Variants in MYO1D observed in about 807,000 individuals in gnomAD.
MYO1D encodes the protein unconventional myosin-Id.
MYO1D carries 83 observed loss-of-function variants against 122.0 expected under a neutral mutation model. The ratio of observed to expected loss-of-function variants is 0.68; its 90% confidence interval spans 0.57 to 0.82. The LOEUF is 0.82. Ranked by LOEUF, MYO1D falls within the 40% of genes least tolerant of loss-of-function variation. The pLI, the probability that MYO1D is intolerant of heterozygous loss-of-function variation, is 0.00. For synonymous variants in MYO1D, 464 were observed against 446.9 expected (o/e 1.04, Z -0.48); for missense variants, 1,157 against 1,269.5 (o/e 0.91, Z 1.35).
At chr17:32,582,664 TTCAACTC>T (rs2087352915) in intron 21 of MYO1D, among the ~76,000 whole-genome samples, 3 of 152,200 alleles carry the variant, frequency 2.0e-5, no homozygotes, top group Non-Finnish European at 4.4e-5. Flanking sequence ...TTCAACTCAG[TTCAACTC>T]AGTTGATAGT....
At chr17:32,823,538 G>A (rs963150048) in intron 1 of MYO1D, among the ~76,000 whole-genome samples, 1 of 152,148 alleles carries the variant, frequency 6.6e-6, no homozygotes, top group Non-Finnish European at 1.5e-5. Context: ...GCCACTGGTT[G>A]TTGGTAAGCC....
chr17:32,732,818 A>G (rs576304472), intron 14 of MYO1D, among the ~76,000 whole-genome samples: 6 of 152,206 alleles, frequency 3.9e-5, no homozygotes, highest in Non-Finnish European at 7.3e-5. Flanking sequence ...GAGAAGGAGA[A>G]GAGCTGTGGC....
At chr17:32,559,743 C>T (rs1411886122) in intron 21 of MYO1D, among the ~76,000 whole-genome samples, 1 of 152,190 alleles carries the variant, frequency 6.6e-6, no homozygotes, top group East Asian at 1.9e-4. Context: ...TATCACATTT[C>T]ATCATTTCCA....
At chr17:32,571,046 G>C (rs1317800042) in intron 21 of MYO1D, among the ~76,000 whole-genome samples, 1 of 152,140 alleles carries the variant, frequency 6.6e-6, no homozygotes, top group African/African-American at 2.4e-5. Flanking sequence ...GGACTCAGAA[G>C]TCACAAGATG....
intron 15 of MYO1D, among the ~76,000 whole-genome samples, chr17:32,718,570 G>C (rs548672134): frequency 6.6e-6 from 1 of 151,958 alleles, no homozygotes; most frequent in East Asian, 1.9e-4. Context: ...GTGTGGTGAC[G>C]CGCCCCTGTA....
In MYO1D at chr17:32,528,843, C is replaced by T. The variant is rs117451119; in HGVS notation, c.2865-33928G>A. On this transcript the variant is annotated intron_variant, in intron 21 of 21. Transcript: ENST00000318217. ...GGAGTGGATTCTCCCTGAGAGCCTC[C>T]AGAGGGAACAGGCCCTGCCCAACGC... Among the ~76,000 whole-genome samples, 533 of 152,290 alleles carry T rather than the reference C, an allele frequency of 3.5e-3. 4 individuals are homozygous for T. The highest frequency in any genetic ancestry group is 0.011 in the Admixed American group (171 of 15,276).
intron 21 of MYO1D, among the ~76,000 whole-genome samples, chr17:32,530,901 C>G (rs1384438694): frequency 3.3e-5 from 5 of 151,806 alleles, no homozygotes; most frequent in Non-Finnish European, 7.4e-5. Context: ...TGTCCTCACT[C>G]CCTTTGGAGA....
At chr17:32,690,425 C>T (rs2089081055) in intron 16 of MYO1D, among the ~76,000 whole-genome samples, 1 of 152,086 alleles carries the variant, frequency 6.6e-6, no homozygotes, top group Non-Finnish European at 1.5e-5. Context: ...TCTGCCTGAC[C>T]CGGCCTCCCA....
At position 32,730,152 on chromosome 17, in the gene MYO1D, T is replaced by C. The variant is rs538932827; in HGVS notation, c.1746+8101A>G. 5.3e-5 allele frequency among the ~76,000 whole-genome samples: 8 copies of C among 151,716 alleles called. No individual in the cohort carries two copies. In the South Asian group the frequency reaches 1.7e-3, roughly 32 times the overall value. On this transcript the variant is annotated intron_variant, in intron 14 of 21. Coordinates refer to ENST00000318217, the MANE Select transcript of MYO1D (RefSeq NM_015194.3). ...TTTTTTCTTTTCCTTCTCTACTAGT[T>C]TGGAATTTATAACCTCTATTTTCTA...
Position 32,724,833 on chromosome 17 carries a change from G to A in MYO1D, c.1747-3644C>T, listed in dbSNP as rs540542004. Among the ~76,000 whole-genome samples, 12 of 152,192 alleles carry A rather than the reference G, an allele frequency of 7.9e-5. No homozygotes were observed. The South Asian group carries it at 2.5e-3, about 32-fold the overall frequency. ...CTGATTTGGAATACTATTGTTCTTA[G>A]GTAACTAAAAGAAGCAAAATTAACT... On this transcript the variant is annotated intron_variant, in intron 14 of 21. Transcript: ENST00000318217.
chr17:32,695,265 G>T (rs2089157371), intron 16 of MYO1D, among the ~76,000 whole-genome samples: 1 of 152,228 alleles, frequency 6.6e-6, no homozygotes, highest in Non-Finnish European at 1.5e-5. Flanking sequence ...GTTCACCATA[G>T]GCTTCATGCT....
chr17:32,506,020 A>G (rs1035932991), intron 21 of MYO1D, among the ~76,000 whole-genome samples: 27 of 152,218 alleles, frequency 1.8e-4, no homozygotes, highest in African/African-American at 6.5e-4. Context: ...GAAGTTTGAG[A>G]CCAGTGTGGG....
At chr17:32,702,813 G>A (rs561266843) in intron 16 of MYO1D, among the ~76,000 whole-genome samples, 1 of 152,246 alleles carries the variant, frequency 6.6e-6, no homozygotes, top group African/African-American at 2.4e-5. Context: ...GCTTGACTGT[G>A]GACCCCACAG....
At chr17:32,605,539 A>G (rs1349737261) in intron 20 of MYO1D, among the ~76,000 whole-genome samples, 4 of 152,166 alleles carry the variant, frequency 2.6e-5, no homozygotes, top group Non-Finnish European at 4.4e-5. Context: ...AATAATAAAG[A>G]GCAGAAATGA....
In MYO1D at chr17:32,539,276, T is replaced by TACACAC. The variant is rs5819986; in HGVS notation, c.2865-44367_2865-44362dup. 8.9e-3 allele frequency among the ~76,000 whole-genome samples: 1,182 copies of TACACAC among 133,496 alleles called. 10 individuals are homozygous for TACACAC. Among genetic ancestry groups the TACACAC allele is most frequent in the East Asian group, 0.013 (56 of 4,262 alleles). The allele number at this position is 133,496 out of a possible 152,430, so 87.6% of individuals were successfully genotyped here. On this transcript the variant is annotated intron_variant, in intron 21 of 21. Coordinates refer to ENST00000318217, the MANE Select transcript of MYO1D (RefSeq NM_015194.3). ...AGGTGACGTAGGAAGACCCTGTCTCTACACACACACACACACACACACACA... is the reference window on the plus strand; with the variant it reads ...AGGTGACGTAGGAAGACCCTGTCTCTACACACACACACACACACACACACACACACA...
chr17:32,795,866 C>T (rs543437446), intron 1 of MYO1D, among the ~76,000 whole-genome samples: 31 of 152,186 alleles, frequency 2.0e-4, no homozygotes, highest in African/African-American at 7.2e-4. Flanking sequence ...AAAACCTTTG[C>T]CCCGTCCTCA....
At chr17:32,524,676 C>T (rs988963858) in intron 21 of MYO1D, among the ~76,000 whole-genome samples, 1 of 151,554 alleles carries the variant, frequency 6.6e-6, no homozygotes, top group Admixed American at 6.6e-5. Flanking sequence ...GATTCTCCTG[C>T]CTCAGCCTCC....
chr17:32,769,057 A>T (rs2090088871), intron 6 of MYO1D, among the ~76,000 whole-genome samples: 1 of 152,226 alleles, frequency 6.6e-6, no homozygotes, highest in Non-Finnish European at 1.5e-5. Flanking sequence ...TCACTGGTCT[A>T]AACTCATCAG....
At chr17:32,696,405 GTATAAT>G (rs2089174842) in intron 16 of MYO1D, among the ~76,000 whole-genome samples, 1 of 152,132 alleles carries the variant, frequency 6.6e-6, no homozygotes, top group Non-Finnish European at 1.5e-5. Flanking sequence ...ACTATGGACA[GTATAAT>G]GTGGAAACAG....
Sources: allele counts gnomAD v4.1 joint callset (sites outside exome capture counted in the v4.1 genomes callset), GRCh38; gene constraint gnomAD v4.1.1; transcripts MANE v1.5; gene names NCBI Gene and HGNC (gene_info 2026-07-23, HGNC 2026-07-21).